CACNA1C: variants seen among roughly 807,000 people sequenced by gnomAD.
The protein encoded by CACNA1C is calcium voltage-gated channel subunit alpha1 C.
CACNA1C carries 30 observed loss-of-function variants against 229.0 expected under a neutral mutation model. The ratio of observed to expected loss-of-function variants is 0.13; its 90% CI spans 0.10 to 0.18. The LOEUF is 0.18. CACNA1C is among the 10% of genes least tolerant of loss of function. CACNA1C has a pLI of 1.00. For missense variants in CACNA1C, 1,658 were observed against 2,845.0 expected (o/e 0.58, Z 9.49); for synonymous variants, 1,114 against 1,132.5 (o/e 0.98, Z 0.33).
At chr12:2,239,718 C>G (rs1405366568) in intron 3 of CACNA1C, among the ~76,000 whole-genome samples, 1 of 152,228 alleles carries the variant, frequency 6.6e-6, no homozygotes, top group African/African-American at 2.4e-5. Flanking sequence ...TCCAGTGGCT[C>G]TCTCCTGGGC....
At chr12:2,282,159 T>C (rs78184324) in intron 3 of CACNA1C, among the ~76,000 whole-genome samples, 8,000 of 152,276 alleles carry the variant, frequency 0.053, 261 homozygotes, top group African/African-American at 0.077. Context: ...CCAGAGCTTC[T>C]GTTCCCAAAG....
chr12:2,201,318 A>G (rs999165618), intron 3 of CACNA1C, among the ~76,000 whole-genome samples: 3 of 152,218 alleles, frequency 2.0e-5, no homozygotes, highest in South Asian at 2.1e-4. Flanking sequence ...AATTTCCTCA[A>G]TAATAGTTTG....
intron 3 of CACNA1C, among the ~76,000 whole-genome samples, chr12:2,293,787 T>G (rs1382549301): frequency 2.6e-5 from 4 of 152,232 alleles, no homozygotes; most frequent in Non-Finnish European, 4.4e-5. Flanking sequence ...CTTATCATTT[T>G]TATTTGTATC....
chr12:2,326,595 G>A (rs1292687828), intron 3 of CACNA1C, among the ~76,000 whole-genome samples: 1 of 152,166 alleles, frequency 6.6e-6, no homozygotes, highest in Non-Finnish European at 1.5e-5. Context: ...ATGTAATCAG[G>A]CTTGACCCCT....
intron 18 of CACNA1C, among the ~76,000 whole-genome samples, chr12:2,588,945 G>A (rs1041648408): frequency 3.9e-5 from 6 of 152,136 alleles, no homozygotes; most frequent in Non-Finnish European, 8.8e-5. Flanking sequence ...TGCTGCAGAG[G>A]GTTCAAGGAC....
At chr12:2,551,418 T>C (rs897443318) in intron 10 of CACNA1C, among the ~76,000 whole-genome samples, 1 of 152,192 alleles carries the variant, frequency 6.6e-6, no homozygotes, top group African/African-American at 2.4e-5. Flanking sequence ...TCTGCAGAAA[T>C]GGTCCCCGTT....
chr12:2,192,030 ACT>A (rs1285258168), intron 3 of CACNA1C, among the ~76,000 whole-genome samples: 4 of 151,658 alleles, frequency 2.6e-5, no homozygotes, highest in African/African-American at 9.7e-5. Context: ...ATATACACGC[ACT>A]CACACATACA....
intron 3 of CACNA1C, among the ~76,000 whole-genome samples, chr12:2,151,446 A>T (rs2095259382): frequency 1.3e-5 from 2 of 151,894 alleles, no homozygotes; most frequent in Middle Eastern, 3.4e-3. Context: ...AGACATTTGC[A>T]TTGGTTTGGA....
intron 29 of CACNA1C, among the ~76,000 whole-genome samples, chr12:2,624,391 T>A (rs972828567): frequency 1.3e-5 from 2 of 152,208 alleles, no homozygotes; most frequent in Non-Finnish European, 1.5e-5. Context: ...TCATGGGTGA[T>A]GTTCAGTGAC....
intron 1 of CACNA1C, among the ~76,000 whole-genome samples, chr12:1,981,129 CT>C (rs1304456889): frequency 1.3e-5 from 2 of 152,128 alleles, no homozygotes; most frequent in African/African-American, 2.4e-5. Flanking sequence ...TCACAATCAC[CT>C]CTAGGAACTT....
Position 2,446,123 on chromosome 12 carries a change from AGATGGATAGATG to A in CACNA1C, c.478-2844_478-2833del, listed in dbSNP as rs2099275110. 3.3e-5 allele frequency among the ~76,000 whole-genome samples: 5 copies of A among 151,332 alleles called. 1 individual carries two copies. Among genetic ancestry groups the A allele is most frequent in the African/African-American group, 1.2e-4 (5 of 41,222 alleles). ...TGAGTGGGTGAACGAATGAATGGGT[AGATGGATAGATG>A]GATGGATAAATGTATAGGTAGGTAG... On this transcript the variant is annotated intron_variant, in intron 3 of 46. Coordinates refer to ENST00000399655, the MANE Select transcript of CACNA1C (RefSeq NM_000719.7).
chr12:2,256,293 A>T (rs1220260458), intron 3 of CACNA1C, among the ~76,000 whole-genome samples: 1 of 152,192 alleles, frequency 6.6e-6, no homozygotes, highest in Admixed American at 6.5e-5. Flanking sequence ...CCATCAATGC[A>T]TGGGGTAATC....
chr12:2,094,036 C>A (rs2072682510), intron 1 of CACNA1C, among the ~76,000 whole-genome samples: 1 of 152,238 alleles, frequency 6.6e-6, no homozygotes. Context: ...TGCTGGGTCA[C>A]CCCAAAGATT....
intron 3 of CACNA1C, among the ~76,000 whole-genome samples, chr12:2,246,062 C>T (rs2073066930): frequency 6.6e-6 from 1 of 152,174 alleles, no homozygotes; most frequent in Non-Finnish European, 1.5e-5. Flanking sequence ...GACATAGAAC[C>T]AGGCCCCCTG....
intron 1 of CACNA1C, chr12:1,991,382 C>A: frequency 3.2e-6 from 1 of 312,724 alleles, no homozygotes; most frequent in Non-Finnish European, 6.4e-6. Context: ...CAGTGCCATT[C>A]AATAGAAATA....
At position 2,448,763 on chromosome 12, in the gene CACNA1C, G is replaced by GA. The variant is rs34361820; in HGVS notation, c.478-202dup. On this transcript the variant is annotated intron_variant, in intron 3 of 46. Coordinates refer to ENST00000399655, the MANE Select transcript of CACNA1C (RefSeq NM_000719.7). ...ATGTTCATGGGGGAACTTTGATGCAGAAAAAAAAAAATCCTGTAATCCCCA... is the reference window on the plus strand; with the variant it reads ...ATGTTCATGGGGGAACTTTGATGCAGAAAAAAAAAAAATCCTGTAATCCCCA... Among the ~76,000 whole-genome samples the GA allele has an allele frequency of 0.45, 68,122 of 149,922 alleles. 15,710 individuals carry two copies. Among genetic ancestry groups the GA allele is most frequent in the East Asian group, 0.72 (3,684 of 5,118 alleles).
At position 2,578,474 on chromosome 12, in the gene CACNA1C, G is replaced by A. The variant is rs144447045; in HGVS notation, c.1896-3116G>A. 2.4e-3 allele frequency among the ~76,000 whole-genome samples: 369 copies of A among 152,280 alleles called. 1 individual carries two copies. Among genetic ancestry groups the A allele is most frequent in the African/African-American group, 8.6e-3 (359 of 41,544 alleles). On this transcript the variant is annotated intron_variant, in intron 13 of 46. Transcript: ENST00000399655. Reference sequence around the variant, plus strand: ...GGGGAGGTGACTGAAGCAAGACTGAGGCTTCGTGGGCCTCACCTCATAGCA... The same window carrying A: ...GGGGAGGTGACTGAAGCAAGACTGAAGCTTCGTGGGCCTCACCTCATAGCA...
intron 30 of CACNA1C, among the ~76,000 whole-genome samples, chr12:2,644,954 C>G (rs1417572206): frequency 6.6e-6 from 1 of 152,184 alleles, no homozygotes; most frequent in East Asian, 1.9e-4. Context: ...AACCACTAAC[C>G]AGAGCTCGCT....
chr12:2,198,555 C>T (rs946021167), intron 3 of CACNA1C, among the ~76,000 whole-genome samples: 13 of 152,278 alleles, frequency 8.5e-5, no homozygotes, highest in South Asian at 2.1e-4. Flanking sequence ...GTGAGGACTT[C>T]GATTTTAAAA....
Sources: allele counts gnomAD v4.1 joint callset (sites outside exome capture counted in the v4.1 genomes callset), GRCh38; gene constraint gnomAD v4.1.1; transcripts MANE v1.5; gene names NCBI Gene and HGNC (gene_info 2026-07-23, HGNC 2026-07-21).